The following CDC34 variants were observed in gnomAD, a reference collection of about 807,000 sequenced individuals.
CDC34 encodes cell division cycle 34, ubiquitin conjugating enzyme.
A neutral mutation model predicts 26.8 loss-of-function variants in CDC34; 18 were observed. The observed-to-expected ratio is 0.67, with a 90% CI of 0.47 to 1.00. CDC34 has a LOEUF of 1.00. Among genes scored for constraint, CDC34 ranks in the 50% least tolerant of loss-of-function variants. CDC34 has a pLI of 0.00. For missense variants in CDC34, 280 were observed against 334.5 expected (o/e 0.84, Z 1.27); for synonymous variants, 178 against 147.5 (o/e 1.21, Z -1.50).
intron 1 of CDC34, among the ~76,000 whole-genome samples, chr19:535,119 G>T (rs1191537745): frequency 6.6e-6 from 1 of 152,218 alleles, no homozygotes; most frequent in East Asian, 1.9e-4. Context: ...AGACAGCTCT[G>T]TCACCTGGCA....
chr19:534,152 G>A (rs938215759), intron 1 of CDC34, among the ~76,000 whole-genome samples: 4 of 152,178 alleles, frequency 2.6e-5, no homozygotes, highest in Non-Finnish European at 5.9e-5. Context: ...AAGGATTGCC[G>A]CCTGAAACCC....
intron 1 of CDC34, among the ~76,000 whole-genome samples, chr19:533,287 C>T (rs1381054831): frequency 6.6e-6 from 1 of 152,184 alleles, no homozygotes; most frequent in African/African-American, 2.4e-5. Context: ...CTGCAGGGCC[C>T]GGCCCGCTCT....
chr19:538,248 T>A (rs150311005), intron 4 of CDC34, among the ~76,000 whole-genome samples: 39 of 152,382 alleles, frequency 2.6e-4, no homozygotes, highest in African/African-American at 8.7e-4. Flanking sequence ...CCCTGCAGGC[T>A]CTTGGCCTGG....
intron 1 of CDC34, among the ~76,000 whole-genome samples, chr19:535,274 G>T (rs1170220620): frequency 6.6e-6 from 1 of 152,254 alleles, no homozygotes; most frequent in African/African-American, 2.4e-5. Context: ...GACCCCCCAA[G>T]ACCGGACACC....
rs1174994786 is a variant in CDC34, at chr19:539,299, G to A, written c.498-2040G>A. On this transcript the variant is annotated intron_variant, in intron 4 of 4. Coordinates refer to ENST00000215574, the MANE Select transcript of CDC34 (RefSeq NM_004359.2). ...AGTTCCCACCCTGGCCCTCCCCTGCGTCTCCCCACAGCCGCCACCTCTGCG... is the reference window on the plus strand; with the variant it reads ...AGTTCCCACCCTGGCCCTCCCCTGCATCTCCCCACAGCCGCCACCTCTGCG... Among the ~76,000 whole-genome samples, 6 of 149,492 alleles carry A rather than the reference G, an allele frequency of 4.0e-5. No homozygotes were observed. The East Asian group carries it at 8.1e-4, about 20-fold the overall frequency.
intron 1 of CDC34, among the ~76,000 whole-genome samples, chr19:534,499 C>T (rs1415611247): frequency 8.1e-6 from 1 of 124,146 alleles, no homozygotes; most frequent in East Asian, 2.5e-4. Context: ...CGATCCAAGA[C>T]CCCCTGAGTG....
At chr19:536,952 G>A (rs1164903212) in intron 3 of CDC34, 61 bp from the exon 4 acceptor site, 3 of 1,607,534 alleles carry the variant, frequency 1.9e-6, no homozygotes, top group East Asian at 4.5e-5. Context: ...CTCAGGGCCA[G>A]AGAAGAGCCG....
At chr19:532,247 A>G (rs921394214) in intron 1 of CDC34, 139 bp downstream of exon 1, 9 of 585,630 alleles carry the variant, frequency 1.5e-5, no homozygotes, top group East Asian at 3.5e-5. Flanking sequence ...TTTCCCTTCT[A>G]TGGCCACGTT....
chr19:537,191 G>C, intron 4 of CDC34, 44 bp downstream of exon 4: 1 of 1,603,908 alleles, frequency 6.2e-7, no homozygotes, highest in Non-Finnish European at 8.5e-7. Flanking sequence ...ACTCAGATCC[G>C]GCCTGCACCC....
At chr19:537,631 C>T (rs1161480433) in intron 4 of CDC34, among the ~76,000 whole-genome samples, 4 of 141,326 alleles carry the variant, frequency 2.8e-5, no homozygotes, top group Non-Finnish European at 1.5e-5. Context: ...GGATTACAGG[C>T]GTGAGCCACC....
At chr19:536,163 G>A (rs915461932) in intron 2 of CDC34, 80 bp from the exon 3 acceptor site, 9 of 1,197,918 alleles carry the variant, frequency 7.5e-6, no homozygotes, top group African/African-American at 3.0e-5. Context: ...CGTCCTCCAC[G>A]TCCTCATCCT....
chr19:536,429 G>C (rs1432559117), intron 3 of CDC34, 89 bp downstream of exon 3: 1 of 1,070,364 alleles, frequency 9.3e-7, no homozygotes, highest in East Asian at 2.6e-5. Flanking sequence ...GGTAGGCCGG[G>C]CTCCCCCACA....
chr19:541,532 T>A lies in CDC34; in HGVS notation c.691T>A (p.Ser231Thr). 1 of 1,600,220 alleles carries A rather than the reference T, an allele frequency of 6.2e-7. No individual in the cohort carries two copies. Among genetic ancestry groups the A allele is most frequent in the Non-Finnish European group, 8.5e-7 (1 of 1,171,848 alleles). Reference protein sequence around the residue: ...DSCFGDDEDDSGTEES With the variant: ...DSCFGDDEDDTGTEES ...CTGCTTCGGGGACGATGAGGATGAC[T>A]CTGGCACGGAGGAGTCCTGACACCA... The change falls in exon 5 of 5, where the codon TCT (serine) becomes ACT (threonine). Residue 231 changes from serine to threonine, a missense_variant. Transcript: ENST00000215574.
At chr19:534,448 C>G (rs1354573464) in intron 1 of CDC34, among the ~76,000 whole-genome samples, 1 of 140,820 alleles carries the variant, frequency 7.1e-6, no homozygotes, top group African/African-American at 2.6e-5. Flanking sequence ...CGCCCACGAT[C>G]CAAGACCCCC....
In CDC34 at chr19:533,392, G is replaced by A. The variant is rs980812908; in HGVS notation, c.177+1284G>A. On this transcript the variant is annotated intron_variant, in intron 1 of 4. Transcript: ENST00000215574. ...GCTAATTAGTGTCTGAACCGCACCC[G>A]CTCAGCGGCTGTGAGGGCAGCAGCC... Among the ~76,000 whole-genome samples the A allele has an allele frequency of 2.0e-5, 3 of 152,366 alleles. 1 individual carries two copies. In the South Asian group the frequency reaches 6.2e-4, roughly 32 times the overall value.
At chr19:536,432 C>T (rs1390711045) in intron 3 of CDC34, 92 bp downstream of exon 3, 3 of 1,037,408 alleles carry the variant, frequency 2.9e-6, no homozygotes, top group Non-Finnish European at 4.2e-6. Flanking sequence ...AGGCCGGGCT[C>T]CCCCACAGGC....
At chr19:538,651 A>G in intron 4 of CDC34, 1 of 926,340 alleles carries the variant, frequency 1.1e-6, no homozygotes, top group Non-Finnish European at 1.3e-6. Context: ...TATTGCACAC[A>G]TAATGCATGT....
At chr19:540,982 G>C (rs1335103208) in intron 4 of CDC34, among the ~76,000 whole-genome samples, 1 of 152,180 alleles carries the variant, frequency 6.6e-6, no homozygotes, top group East Asian at 1.9e-4. Context: ...CTCCTGCGCT[G>C]AGGAAGGCTT....
chr19:538,680 C>T (rs1261314456), intron 4 of CDC34: 11 of 983,060 alleles, frequency 1.1e-5, no homozygotes, highest in Non-Finnish European at 1.2e-5. Context: ...CGCCCCAGGA[C>T]CCAGGAGCAT....
Sources: allele counts gnomAD v4.1 joint callset (sites outside exome capture counted in the v4.1 genomes callset), GRCh38; gene constraint gnomAD v4.1.1; transcripts MANE v1.5; gene names NCBI Gene and HGNC (gene_info 2026-07-23, HGNC 2026-07-21).